ATAD2B: variants seen among roughly 807,000 people sequenced by gnomAD.
The protein encoded by ATAD2B is ATPase family AAA domain-containing protein 2B.
ATAD2B carries 40 observed loss-of-function variants against 167.6 expected under a neutral mutation model. The ratio of observed to expected loss-of-function variants is 0.24; its 90% CI spans 0.19 to 0.31. The LOEUF (loss-of-function observed/expected upper bound fraction) is 0.31, where lower values mean the gene tolerates loss of function less well. Among genes scored for constraint, ATAD2B ranks in the 10% least tolerant of loss-of-function variants. ATAD2B has a pLI of 1.00. For synonymous variants in ATAD2B, 579 were observed against 596.5 expected (o/e 0.97, Z 0.43); for missense variants, 1,242 against 1,757.2 (o/e 0.71, Z 5.24).
chr2:23,887,863 G>T lies in ATAD2B; in HGVS notation c.541C>A (p.Gln181Lys). 1 of 1,605,876 alleles carries T rather than the reference G, an allele frequency of 6.2e-7. No individual in the cohort carries two copies. Among genetic ancestry groups the T allele is most frequent in the South Asian group, 1.1e-5 (1 of 89,688 alleles). ...ACTAGTTGATCAAATAACAAACTCT[G>T]GTTCACACTTTCAAATCTGTTTTTC... ...SRKNRFESVN[Q>K]SLLFDQLVNS... The change falls in exon 4 of 28, where the codon CAG (glutamine) becomes AAG (lysine). Residue 181 changes from glutamine to lysine, a missense_variant. This residue lies in a region of ATAD2B where 99 missense variants were observed against 160.4 expected (regional missense o/e 0.62). Coordinates refer to ENST00000238789, the MANE Select transcript of ATAD2B (RefSeq NM_017552.4).
At chr2:23,856,516 T>C (rs1005949733) in intron 13 of ATAD2B, 23 of 325,318 alleles carry the variant, frequency 7.1e-5, no homozygotes, top group Non-Finnish European at 1.4e-4. Context: ...CACACACACA[T>C]ATACATTAAG....
intron 12 of ATAD2B, among the ~76,000 whole-genome samples, chr2:23,860,732 A>C (rs1018058515): frequency 6.6e-6 from 1 of 151,004 alleles, no homozygotes; most frequent in Non-Finnish European, 1.5e-5. Context: ...GCACTTTGGG[A>C]AGCCAAGGCA....
chr2:23,736,723 G>A, the ATAD2B span, among the ~76,000 whole-genome samples: 18 of 152,136 alleles, frequency 1.2e-4, no homozygotes, highest in East Asian at 1.4e-3. Flanking sequence ...CCTACCGTGC[G>A]CGAGCCGAAG....
intron 2 of ATAD2B, among the ~76,000 whole-genome samples, chr2:23,894,173 A>G (rs971432071): frequency 3.3e-5 from 5 of 152,024 alleles, no homozygotes; most frequent in Admixed American, 6.6e-5. Flanking sequence ...AGGCCTTTTT[A>G]TATGAAAGAC....
In ATAD2B at chr2:23,788,522, C is replaced by T. The variant is rs751178758; in HGVS notation, c.2766G>A (p.Arg922=). 1.9e-6 allele frequency: 3 copies of T among 1,612,702 alleles called. No homozygotes were observed. The South Asian group carries it at 3.3e-5, about 18-fold the overall frequency. Residue 922 remains arginine (R), a synonymous_variant, in exon 20 of 28, where the codon AGG becomes AGA. Transcript: ENST00000238789. ...CTTTACAAACTTTACCAGCATGTTT[C>T]CTTCGTGGTGGAGCCATTGATGCCT... is the stretch of plus-strand genomic sequence containing the variant. ...LNQASMAPPR[R]KHAALCAMEV... is the part of the protein sequence containing the mutation.
intron 17 of ATAD2B, among the ~76,000 whole-genome samples, chr2:23,811,922 G>A (rs533530669): frequency 6.6e-6 from 1 of 151,856 alleles, no homozygotes; most frequent in South Asian, 2.1e-4. Context: ...AAAACTAACT[G>A]TTACTACCCT....
intron 13 of ATAD2B, among the ~76,000 whole-genome samples, chr2:23,847,499 C>T (rs1691850152): frequency 6.6e-6 from 1 of 150,854 alleles, no homozygotes; most frequent in Middle Eastern, 3.4e-3. Context: ...AGTAAGACTC[C>T]ATCTCAAAAA....
At chr2:23,767,908 CA>C (rs536450571) in intron 22 of ATAD2B, among the ~76,000 whole-genome samples, 9,276 of 133,844 alleles carry the variant, frequency 0.069, 336 homozygotes, top group Middle Eastern at 0.15. Context: ...AAAAAACAAA[CA>C]AAAAAAAAAA....
chr2:23,746,382 A>C (rs1191830687), downstream of ATAD2B, among the ~76,000 whole-genome samples: 3 of 152,226 alleles, frequency 2.0e-5, no homozygotes, highest in Non-Finnish European at 2.9e-5. Flanking sequence ...AAAGATGAAA[A>C]GAATTTGCAT....
At chr2:23,769,687 A>C (rs1677999014) in intron 22 of ATAD2B, among the ~76,000 whole-genome samples, 1 of 148,960 alleles carries the variant, frequency 6.7e-6, no homozygotes, top group African/African-American at 2.5e-5. Context: ...GATTATTACA[A>C]GTGTTTAATG....
chr2:23,896,534 G>C (rs114460989), intron 1 of ATAD2B, among the ~76,000 whole-genome samples: 1 of 151,894 alleles, frequency 6.6e-6, no homozygotes, highest in Non-Finnish European at 1.5e-5. Context: ...TAAACGTTTG[G>C]TGTGATATAT....
the ATAD2B span, among the ~76,000 whole-genome samples, chr2:23,688,345 A>T: frequency 6.6e-6 from 1 of 152,058 alleles, no homozygotes; most frequent in Non-Finnish European, 1.5e-5. Context: ...CCTGTCCCTC[A>T]CCCACCACTG....
intron 22 of ATAD2B, among the ~76,000 whole-genome samples, chr2:23,782,413 G>A (rs1007429354): frequency 6.6e-6 from 1 of 152,264 alleles, no homozygotes; most frequent in Admixed American, 6.5e-5. Context: ...ATACAGGATG[G>A]ATTAGGAGTA....
At chr2:23,740,974 A>G in the ATAD2B span, among the ~76,000 whole-genome samples, 1 of 152,206 alleles carries the variant, frequency 6.6e-6, no homozygotes, top group Non-Finnish European at 1.5e-5. Flanking sequence ...AGAATAAAAT[A>G]CCTAGGAATC....
Position 23,773,284 on chromosome 2 carries a change from T to C in ATAD2B, c.3134-7656A>G, listed in dbSNP as rs928505039. ...ACTTTGGGAGACTGAGGCAGGAGGA[T>C]TGCTTGAGGCCAGGAGTTTCAGACA... On this transcript the variant is annotated intron_variant, in intron 22 of 27. Coordinates refer to ENST00000238789, the MANE Select transcript of ATAD2B (RefSeq NM_017552.4). 3.3e-5 allele frequency among the ~76,000 whole-genome samples: 5 copies of C among 152,216 alleles called. No individual in the cohort carries two copies. In the East Asian group the frequency reaches 5.8e-4, roughly 18 times the overall value.
chr2:23,696,636 T>G, the ATAD2B span: 7 of 741,030 alleles, frequency 9.4e-6, no homozygotes, highest in Non-Finnish European at 1.5e-5. This position sits in a 1 kb window ranked among gnomAD's most constrained non-coding sequence, Gnocchi z 5.5. Flanking sequence ...ACCATTCATA[T>G]GGGCAGTCAT....
chr2:23,877,509 A>G, intron 7 of ATAD2B, among the ~76,000 whole-genome samples: 1 of 65,662 alleles, frequency 1.5e-5, no homozygotes. Context: ...AGGGAAGGGG[A>G]GGGAAGGGGA....
intron 13 of ATAD2B, among the ~76,000 whole-genome samples, chr2:23,850,912 G>A (rs555584286): frequency 4.1e-4 from 62 of 152,256 alleles, no homozygotes; most frequent in South Asian, 1.5e-3. Context: ...ACCTTTGGGA[G>A]GTAATTAGGA....
intron 1 of ATAD2B, among the ~76,000 whole-genome samples, chr2:23,907,564 A>T (rs1009620942): frequency 6.6e-6 from 1 of 152,208 alleles, no homozygotes; most frequent in African/African-American, 2.4e-5. Flanking sequence ...TACAGATTCA[A>T]TGCCATCCCT....
Sources: gnomAD v4.1 joint callset for allele counts (sites outside exome capture counted in the v4.1 genomes callset) on GRCh38, gnomAD v4.1.1 for gene constraint, gnomAD v4.1.1 regional missense constraint, Gnocchi (gnomAD v3.1) non-coding constraint, MANE v1.5 for transcripts, NCBI Gene and HGNC (gene_info 2026-07-23, HGNC 2026-07-21) for gene names.